OSBPL2: variants seen among roughly 807,000 people sequenced by gnomAD.
The protein encoded by OSBPL2 is oxysterol-binding protein-related protein 2.
A neutral mutation model predicts 58.4 loss-of-function variants in OSBPL2; 18 were observed. The ratio of observed to expected loss-of-function variants is 0.31; its 90% CI spans 0.21 to 0.46. OSBPL2 has a LOEUF of 0.46. Ranked by LOEUF, OSBPL2 falls within the 20% of genes least tolerant of loss-of-function variation. The pLI, the probability that OSBPL2 is intolerant of heterozygous loss-of-function variation, is 1.00. For missense variants in OSBPL2, 461 were observed against 616.5 expected (o/e 0.75, Z 2.67); for synonymous variants, 221 against 234.1 (o/e 0.94, Z 0.51).
intron 7 of OSBPL2, 53 bp downstream of exon 7, chr20:62,279,392 G>A (rs1161071221): frequency 1.3e-6 from 2 of 1,564,456 alleles, no homozygotes. Flanking sequence ...ACTGAAATGG[G>A]TGCTGGTGAT....
intron 1 of OSBPL2, among the ~76,000 whole-genome samples, chr20:62,253,508 G>A (rs973520180): frequency 1.3e-5 from 2 of 152,158 alleles, no homozygotes; most frequent in Non-Finnish European, 2.9e-5. Flanking sequence ...AGAGCCCCTG[G>A]CGTAGCCTGT....
chr20:62,290,508 C>G (rs566114732), intron 12 of OSBPL2, among the ~76,000 whole-genome samples: 1 of 144,148 alleles, frequency 6.9e-6, no homozygotes, highest in South Asian at 2.2e-4. Context: ...GCTCCGCCTT[C>G]TGGGTTCAGG....
intron 7 of OSBPL2, chr20:62,279,827 C>A: frequency 2.0e-6 from 1 of 501,180 alleles, no homozygotes; most frequent in Non-Finnish European, 2.6e-6. Context: ...AGGGCACTGC[C>A]TCCCACAGGG....
rs3827119 is a variant in OSBPL2, at chr20:62,258,121, G to A, written c.38-1860G>A. Among the ~76,000 whole-genome samples, 238 of 152,270 alleles carry A rather than the reference G, an allele frequency of 1.6e-3. 3 individuals carry two copies. In the East Asian group the frequency reaches 0.027, roughly 17 times the overall value. On this transcript the variant is annotated intron_variant, in intron 2 of 13. Transcript: ENST00000313733. ...CTGTTCTAGGAGCCACAGGGTGTGC[G>A]GGGCTGTGGGGCGTTGCTCCTGCAT...
At chr20:62,261,915 T>C (rs913420261) in intron 3 of OSBPL2, among the ~76,000 whole-genome samples, 1 of 152,156 alleles carries the variant, frequency 6.6e-6, no homozygotes, top group Admixed American at 6.5e-5. Flanking sequence ...TGTGCCACCA[T>C]GCCTGGCTAA....
chr20:62,258,725 C>T (rs1474856482), intron 2 of OSBPL2, among the ~76,000 whole-genome samples: 8 of 152,174 alleles, frequency 5.3e-5, no homozygotes, highest in Non-Finnish European at 1.0e-4. Flanking sequence ...GCTGCAGTGG[C>T]TGCCCGGGAT....
intron 11 of OSBPL2, 69 bp downstream of exon 11, chr20:62,286,780 C>T (rs75910818): frequency 1.4e-5 from 22 of 1,533,902 alleles, no homozygotes; most frequent in Admixed American, 1.1e-4. Context: ...CCCAGCCCCA[C>T]GGCTCTTCCC....
At chr20:62,268,517 C>A (rs998114104) in intron 4 of OSBPL2, among the ~76,000 whole-genome samples, 2 of 152,168 alleles carry the variant, frequency 1.3e-5, no homozygotes, top group African/African-American at 4.8e-5. Context: ...CACTTCTTTA[C>A]ATAAATGAGA....
At chr20:62,280,272 G>C in intron 7 of OSBPL2, 1 of 467,490 alleles carries the variant, frequency 2.1e-6, no homozygotes, top group East Asian at 7.1e-5. Flanking sequence ...ATGGTGGCTA[G>C]AAGGTTCCAC....
At chr20:62,268,484 T>C (rs1249200872) in intron 4 of OSBPL2, among the ~76,000 whole-genome samples, 2 of 152,194 alleles carry the variant, frequency 1.3e-5, no homozygotes, top group Non-Finnish European at 2.9e-5. Context: ...TGATTCTACA[T>C]GTATCTTCTC....
In OSBPL2 at chr20:62,279,274, G is replaced by C; in HGVS notation, c.609G>C (p.Lys203Asn). Reference protein sequence around the residue: ...DFLFHGSIYPKLKFWGKSVEA... With the variant: ...DFLFHGSIYPNLKFWGKSVEA... The stretch of plus-strand genomic sequence containing the variant: ...TGTTCCATGGCTCCATCTACCCCAA[G>C]CTCAAGTTCTGGGGCAAAAGCGTGG... Residue 203 changes from lysine (K) to asparagine (N), a missense_variant, in exon 7 of 14, where the codon AAG becomes AAC. Coordinates refer to ENST00000313733, the MANE Select transcript of OSBPL2 (RefSeq NM_144498.4). 6.2e-7 allele frequency: 1 copy of C among 1,614,230 alleles called. No homozygotes were observed.
intron 6 of OSBPL2, among the ~76,000 whole-genome samples, chr20:62,274,112 G>A (rs886216042): frequency 3.3e-5 from 5 of 152,148 alleles, no homozygotes; most frequent in Non-Finnish European, 5.9e-5. Flanking sequence ...AGGTCCAGCC[G>A]GGCCCCAGAT....
intron 2 of OSBPL2, among the ~76,000 whole-genome samples, chr20:62,258,626 C>T (rs1457327141): frequency 2.0e-5 from 3 of 152,128 alleles, no homozygotes; most frequent in Non-Finnish European, 2.9e-5. Flanking sequence ...TTAGGCCATC[C>T]GAGTAGCGTT....
intron 1 of OSBPL2, among the ~76,000 whole-genome samples, chr20:62,245,862 C>T (rs1009969452): frequency 2.0e-5 from 3 of 152,200 alleles, no homozygotes; most frequent in Admixed American, 6.5e-5. Flanking sequence ...TAAAAATAAC[C>T]GTTAAGCTTT....
intron 1 of OSBPL2, among the ~76,000 whole-genome samples, chr20:62,252,186 T>TA (rs140580874): frequency 0.041 from 6,220 of 152,090 alleles, 364 homozygotes; most frequent in African/African-American, 0.14. Context: ...ACCTGGCCAG[T>TA]ATGTCTTTTT....
intron 1 of OSBPL2, among the ~76,000 whole-genome samples, chr20:62,246,565 A>G (rs1032925303): frequency 5.9e-5 from 9 of 152,206 alleles, no homozygotes; most frequent in Non-Finnish European, 1.3e-4. Flanking sequence ...TGGATGTGTC[A>G]AGGCTGAAAT....
intron 6 of OSBPL2, among the ~76,000 whole-genome samples, chr20:62,276,585 G>A (rs914083226): frequency 3.9e-5 from 6 of 152,194 alleles, no homozygotes; most frequent in Admixed American, 6.5e-5. Context: ...CTGGGCAGCC[G>A]AGCACCTGTT....
rs147891445 is a variant in OSBPL2 at position 62,251,865 on chromosome 20, CTTTTTTTTT to C, written c.-128-4169_-128-4161del. Among the ~76,000 whole-genome samples, 11 of 41,770 alleles carry C rather than the reference CTTTTTTTTT, an allele frequency of 2.6e-4. No individual in the cohort carries two copies. In the South Asian group the frequency reaches 4.8e-3, roughly 18 times the overall value. The allele number at this position is 41,770 out of a possible 152,430, so 27.4% of individuals were successfully genotyped here. ...TCAAGCGTCATTTTAATTGGTATGCCTTTTTTTTTTTTTTTTTTTTTTTTTTTTTTTCTG... is the reference window on the plus strand; with the variant it reads ...TCAAGCGTCATTTTAATTGGTATGCCTTTTTTTTTTTTTTTTTTTTTTCTG... On this transcript the variant is annotated intron_variant, in intron 1 of 13. Transcript: ENST00000313733.
At chr20:62,290,746 T>G (rs908509389) in intron 12 of OSBPL2, among the ~76,000 whole-genome samples, 1 of 149,690 alleles carries the variant, frequency 6.7e-6, no homozygotes, top group Non-Finnish European at 1.5e-5. Context: ...TTTTTTTGTT[T>G]TTTTTTTTTG....
Sources: allele counts gnomAD v4.1 joint callset (sites outside exome capture counted in the v4.1 genomes callset), GRCh38; gene constraint gnomAD v4.1.1; transcripts MANE v1.5; gene names NCBI Gene and HGNC (gene_info 2026-07-23, HGNC 2026-07-21).